The following EPC1 variants were observed in gnomAD, a reference collection of about 807,000 sequenced individuals.
EPC1 encodes enhancer of polycomb homolog 1.
EPC1 carries 12 observed loss-of-function variants against 98.4 expected under a neutral mutation model. That is an observed-to-expected ratio of 0.12 (90% CI 0.08 to 0.20). The LOEUF (loss-of-function observed/expected upper bound fraction) is 0.20, where lower values mean the gene tolerates loss of function less well. Among genes scored for constraint, EPC1 ranks in the 10% least tolerant of loss-of-function variants. EPC1 has a pLI of 1.00. For missense variants in EPC1, 729 were observed against 990.5 expected (o/e 0.74, Z 3.54); for synonymous variants, 357 against 363.9 (o/e 0.98, Z 0.21).
chr10:32,347,163 T>C, upstream of EPC1: 4 of 1,378,938 alleles, frequency 2.9e-6, no homozygotes, highest in Non-Finnish European at 2.8e-6. Flanking sequence ...CACTGTGCGC[T>C]CTTCAGCCAA....
intron 1 of EPC1, among the ~76,000 whole-genome samples, chr10:32,362,737 A>G (rs1003242828): frequency 1.3e-5 from 2 of 152,142 alleles, no homozygotes; most frequent in Non-Finnish European, 2.9e-5. Flanking sequence ...GAAGATGCCA[A>G]CTCAACTGCC....
At chr10:32,342,777 A>ATC (rs1433342456) in intron 1 of EPC1, among the ~76,000 whole-genome samples, 14 of 152,242 alleles carry the variant, frequency 9.2e-5, no homozygotes, top group African/African-American at 3.4e-4. Context: ...ATGAAAAGTT[A>ATC]AACTACTGTG....
intron 1 of EPC1, chr10:32,374,597 G>A (rs577966650): frequency 1.3e-5 from 2 of 152,238 alleles, no homozygotes; most frequent in African/African-American, 4.8e-5. Flanking sequence ...AGTACTTGAT[G>A]CCCGAATCAT....
At chr10:32,331,100 T>C (rs1266148946) in intron 1 of EPC1, among the ~76,000 whole-genome samples, 3 of 152,192 alleles carry the variant, frequency 2.0e-5, no homozygotes, top group Admixed American at 2.0e-4. Context: ...TATTTTCTTT[T>C]AAATTGCATT....
intron 1 of EPC1, among the ~76,000 whole-genome samples, chr10:32,314,216 T>C (rs552247350): frequency 7.9e-5 from 12 of 152,206 alleles, no homozygotes; most frequent in Non-Finnish European, 1.5e-4. Context: ...AGCTTATAAT[T>C]AAGCAAATAG....
intron 1 of EPC1, among the ~76,000 whole-genome samples, chr10:32,327,013 A>C (rs1425256012): frequency 2.8e-5 from 4 of 143,704 alleles, no homozygotes; most frequent in African/African-American, 4.9e-5. Context: ...AAAAAAAAAA[A>C]AAAAATCAAT....
intron 10 of EPC1, among the ~76,000 whole-genome samples, chr10:32,278,089 T>C (rs960174925): frequency 6.8e-6 from 1 of 147,230 alleles, no homozygotes; most frequent in Admixed American, 6.8e-5. Flanking sequence ...AAATGTACAC[T>C]TTTTTTTTTT....
intron 1 of EPC1, chr10:32,377,059 T>C (rs572142192): frequency 6.6e-6 from 1 of 152,198 alleles, no homozygotes; most frequent in South Asian, 2.1e-4. Flanking sequence ...GATAACTCAA[T>C]AAGAACAAAG....
chr10:32,334,333 G>C (rs1182665190), intron 1 of EPC1, among the ~76,000 whole-genome samples: 1 of 152,276 alleles, frequency 6.6e-6, no homozygotes, highest in African/African-American at 2.4e-5. Flanking sequence ...CAGGTCAGCA[G>C]GAATTGTACT....
At chr10:32,282,424 G>C (rs892778627) in intron 10 of EPC1, 2 of 152,308 alleles carry the variant, frequency 1.3e-5, no homozygotes, top group Admixed American at 6.5e-5. Flanking sequence ...GGAGGCTGAG[G>C]TTGGGGGATC....
chr10:32,370,575 G>T (rs980317166), intron 1 of EPC1, among the ~76,000 whole-genome samples: 1 of 152,196 alleles, frequency 6.6e-6, no homozygotes, highest in African/African-American at 2.4e-5. Context: ...GCAGAGTTGA[G>T]AACCAGTGGT....
intron 2 of EPC1, among the ~76,000 whole-genome samples, chr10:32,296,812 C>T (rs1835192101): frequency 6.6e-6 from 1 of 151,692 alleles, no homozygotes; most frequent in Admixed American, 6.6e-5. Flanking sequence ...GAGGTTGAGG[C>T]AGGAGAATTG....
intron 6 of EPC1, among the ~76,000 whole-genome samples, chr10:32,290,912 T>C (rs139818586): frequency 0.023 from 3,554 of 151,976 alleles, 89 homozygotes; most frequent in East Asian, 0.12. Context: ...GTAGCTGGGA[T>C]TGCAGGCGCA....
chr10:32,292,615 T>A lies in EPC1; in HGVS notation c.696A>T (p.Glu232Asp). ...KNRKNDEASY[E>D]KMLKLRRDLS... ...GATCTCGTCGCAGCTTAAGCATTTTTTCGTAAGAGGCTTCATCATTTTTGC... is the reference window on the plus strand; with the variant it reads ...GATCTCGTCGCAGCTTAAGCATTTTATCGTAAGAGGCTTCATCATTTTTGC... Residue 232 changes from glutamate to aspartate, a missense_variant, in exon 5 of 14, where the codon GAA (glutamate) becomes GAT (aspartate). Glu to Asp is a conservative substitution (Grantham distance 45). Around this residue, in one of 6 missense-constraint regions of EPC1, gnomAD observed 39 missense variants for 94.9 expected, o/e 0.41. Coordinates refer to ENST00000319778, the MANE Select transcript of EPC1 (RefSeq NM_001272004.3). 1 of 1,604,288 alleles carries A rather than the reference T, an allele frequency of 6.2e-7. No homozygotes were observed. Among genetic ancestry groups the A allele is most frequent in the Non-Finnish European group, 8.5e-7 (1 of 1,177,588 alleles).
chr10:32,367,825 C>T (rs1235524425), intron 1 of EPC1, among the ~76,000 whole-genome samples: 1 of 152,202 alleles, frequency 6.6e-6, no homozygotes, highest in Non-Finnish European at 1.5e-5. Context: ...CAGCCTAACA[C>T]AGTGCAATTG....
chr10:32,285,918 C>T (rs1836657023), intron 9 of EPC1: 1 of 151,926 alleles, frequency 6.6e-6, no homozygotes, highest in African/African-American at 2.4e-5. Context: ...AAAAAACGGA[C>T]TAAATAAAAT....
intron 2 of EPC1, among the ~76,000 whole-genome samples, chr10:32,296,921 T>G (rs549684326): frequency 1.4e-3 from 207 of 148,236 alleles, no homozygotes; most frequent in African/African-American, 4.8e-3. Context: ...AAAAAAAAAA[T>G]TATTAAATAG....
chr10:32,290,483 C>CAAAAAA (rs57193296), intron 6 of EPC1, among the ~76,000 whole-genome samples: 2 of 40,156 alleles, frequency 5.0e-5, no homozygotes, highest in African/African-American at 2.7e-4. Context: ...AAGACTCTGT[C>CAAAAAA]AAAAAAAAAA....
intron 2 of EPC1, among the ~76,000 whole-genome samples, chr10:32,301,425 C>G (rs767641605): frequency 2.2e-4 from 34 of 152,208 alleles, no homozygotes; most frequent in Admixed American, 9.8e-4. Flanking sequence ...TAGACATAGA[C>G]AAGTTTATTC....
Sources: allele counts gnomAD v4.1 joint callset (sites outside exome capture counted in the v4.1 genomes callset), GRCh38; gene constraint gnomAD v4.1.1; regional missense constraint gnomAD v4.1.1; transcripts MANE v1.5; gene names NCBI Gene and HGNC (gene_info 2026-07-23, HGNC 2026-07-21).